The following PCED1B variants were observed in gnomAD, a reference collection of about 807,000 sequenced individuals.
The protein encoded by PCED1B is PC-esterase domain-containing protein 1B.
For missense variants in PCED1B, 573 were observed against 573.9 expected (o/e 1.00, Z 0.02); for synonymous variants, 251 against 246.1 (o/e 1.02, Z -0.19).
At chr12:47,140,218 T>C (rs1940543026) in intron 2 of PCED1B, among the ~76,000 whole-genome samples, 1 of 152,220 alleles carries the variant, frequency 6.6e-6, no homozygotes, top group Non-Finnish European at 1.5e-5. Flanking sequence ...AAGAACATTG[T>C]TTTGCTTTTG....
chr12:47,201,762 C>A (rs1224135704), intron 2 of PCED1B, among the ~76,000 whole-genome samples: 1 of 152,040 alleles, frequency 6.6e-6, no homozygotes, highest in Non-Finnish European at 1.5e-5. Context: ...CCACACAGAG[C>A]TAATTTTTTG....
intron 2 of PCED1B, chr12:47,208,645 A>C (rs901693518): frequency 1.3e-5 from 2 of 152,104 alleles, no homozygotes; most frequent in Non-Finnish European, 2.9e-5. Context: ...AAGTACTGGG[A>C]TTATAGGCAT....
chr12:47,217,444 G>GAA (rs769858830), intron 3 of PCED1B, among the ~76,000 whole-genome samples: 2 of 80,524 alleles, frequency 2.5e-5, no homozygotes, highest in Non-Finnish European at 5.1e-5. Context: ...AAAAAAGAAA[G>GAA]AAAGAAAGAA....
At chr12:47,098,011 G>A (rs1414636922) in intron 1 of PCED1B, among the ~76,000 whole-genome samples, 4 of 152,192 alleles carry the variant, frequency 2.6e-5, no homozygotes, top group Non-Finnish European at 5.9e-5. Flanking sequence ...AGTAAGGCTA[G>A]CCACATGCCA....
chr12:47,141,292 C>T (rs1387693225), intron 2 of PCED1B, among the ~76,000 whole-genome samples: 1 of 152,146 alleles, frequency 6.6e-6, no homozygotes, highest in Admixed American at 6.5e-5. Flanking sequence ...CTGTGGACCC[C>T]AGGTTGCAAA....
chr12:47,231,115 G>A (rs995432402), intron 3 of PCED1B, among the ~76,000 whole-genome samples: 3 of 152,280 alleles, frequency 2.0e-5, no homozygotes, highest in African/African-American at 4.8e-5. Context: ...TAGAGGGGCC[G>A]ATGGATATCC....
At chr12:47,197,628 TAATAAAATAA>T (rs906683798) in intron 2 of PCED1B, among the ~76,000 whole-genome samples, 9 of 148,906 alleles carry the variant, frequency 6.0e-5, no homozygotes, top group Admixed American at 2.0e-4. Flanking sequence ...AATAAATAAA[TAATAAAATAA>T]AATAAAATAC....
chr12:47,110,718 G>A (rs1939156081), intron 2 of PCED1B, among the ~76,000 whole-genome samples: 2 of 152,274 alleles, frequency 1.3e-5, no homozygotes, highest in East Asian at 1.9e-4. Context: ...AAAGGTATGA[G>A]GTTCCCTGAG....
At chr12:47,223,085 A>G (rs534992331) in intron 3 of PCED1B, among the ~76,000 whole-genome samples, 1 of 152,142 alleles carries the variant, frequency 6.6e-6, no homozygotes, top group Non-Finnish European at 1.5e-5. Context: ...CTTGAGAAAG[A>G]CCTGGAAGGG....
intron 2 of PCED1B, among the ~76,000 whole-genome samples, chr12:47,143,260 T>C (rs1940663095): frequency 6.6e-6 from 1 of 152,132 alleles, no homozygotes; most frequent in Non-Finnish European, 1.5e-5. Flanking sequence ...TAAATTGGAA[T>C]GATAAAAGGT....
At position 47,236,356 on chromosome 12, in the gene PCED1B, T is replaced by C. The variant is rs1209926287; in HGVS notation, c.1293T>C (p.Pro431=). 1 of 1,589,624 alleles carries C rather than the reference T, an allele frequency of 6.3e-7. No homozygotes were observed. The highest frequency in any genetic ancestry group is 1.8e-5 in the Admixed American group (1 of 55,026). ...RRAPANPEPR[P]Q is the part of the protein sequence containing the mutation. The stretch of plus-strand genomic sequence containing the variant: ...CCCCAGCCAATCCTGAGCCAAGGCC[T>C]CAATAGACGGACCTAGGCCTTATTT... Residue 431 remains proline (P), a synonymous_variant, in exon 4 of 4, where the codon CCT becomes CCC. Transcript: ENST00000546455.
intron 1 of PCED1B, among the ~76,000 whole-genome samples, chr12:47,092,624 C>A (rs968169495): frequency 2.0e-5 from 3 of 152,030 alleles, no homozygotes; most frequent in Non-Finnish European, 4.4e-5. Flanking sequence ...TTTCAACATA[C>A]TACCATTGAG....
chr12:47,114,355 T>A (rs963835413), intron 2 of PCED1B, among the ~76,000 whole-genome samples: 2 of 152,160 alleles, frequency 1.3e-5, no homozygotes, highest in Non-Finnish European at 2.9e-5. Context: ...CTGCCTCAAG[T>A]CCAACTTATG....
intron 2 of PCED1B, among the ~76,000 whole-genome samples, chr12:47,119,752 G>A (rs1172501788): frequency 1.3e-5 from 2 of 152,022 alleles, no homozygotes; most frequent in African/African-American, 2.4e-5. Context: ...GTTGAGGCGT[G>A]TGGATCATCT....
At chr12:47,103,681 T>C (rs1003184000) in intron 1 of PCED1B, among the ~76,000 whole-genome samples, 20 of 152,122 alleles carry the variant, frequency 1.3e-4, no homozygotes, top group Non-Finnish European at 2.2e-4. Flanking sequence ...TGCTCTTCCA[T>C]ACCTGAGACA....
chr12:47,183,244 A>G (rs1942152713), intron 2 of PCED1B, among the ~76,000 whole-genome samples: 2 of 152,224 alleles, frequency 1.3e-5, no homozygotes, highest in Admixed American at 1.3e-4. Context: ...GTGATTATAT[A>G]TAGGTAAAGA....
chr12:47,133,166 G>T (rs1940202679), intron 2 of PCED1B, among the ~76,000 whole-genome samples: 1 of 152,002 alleles, frequency 6.6e-6, no homozygotes, highest in Admixed American at 6.6e-5. Context: ...TCATATATTT[G>T]TAAATTTGTG....
At chr12:47,092,641 GTTTGCTACGGATATT>G (rs2137179981) in intron 1 of PCED1B, among the ~76,000 whole-genome samples, 1 of 152,122 alleles carries the variant, frequency 6.6e-6, no homozygotes, top group East Asian at 1.9e-4. Flanking sequence ...TGAGAATGAT[GTTTGCTACGGATATT>G]TTGTAGATAT....
At chr12:47,148,306 G>C (rs1940866199) in intron 2 of PCED1B, among the ~76,000 whole-genome samples, 1 of 152,100 alleles carries the variant, frequency 6.6e-6, no homozygotes. Context: ...TGATTTTAGA[G>C]GGGACATTAA....
Sources: gnomAD v4.1 joint callset for allele counts (sites outside exome capture counted in the v4.1 genomes callset) on GRCh38, gnomAD v4.1.1 for gene constraint, MANE v1.5 for transcripts, NCBI Gene and HGNC (gene_info 2026-07-23, HGNC 2026-07-21) for gene names.